Variants in LARGE1 observed in about 807,000 individuals in gnomAD.
LARGE1 encodes xylosyl- and glucuronyltransferase LARGE1.
A neutral mutation model predicts 87.6 loss-of-function variants in LARGE1; 43 were observed. The ratio of observed to expected loss-of-function variants is 0.49; its 90% confidence interval spans 0.38 to 0.63. The LOEUF is 0.63. Ranked by LOEUF, LARGE1 falls within the 30% of genes least tolerant of loss-of-function variation. The pLI, the probability that LARGE1 is intolerant of heterozygous loss-of-function variation, is 0.00. For missense variants in LARGE1, 802 were observed against 1,000.2 expected (o/e 0.80, Z 2.67); for synonymous variants, 434 against 394.6 (o/e 1.10, Z -1.18).
intron 1 of LARGE1, among the ~76,000 whole-genome samples, chr22:33,889,754 A>C (rs1024435530): frequency 6.6e-6 from 1 of 152,236 alleles, no homozygotes; most frequent in African/African-American, 2.4e-5. Flanking sequence ...AGTGGTCTGG[A>C]GTGACCAGAA....
chr22:33,276,471 A>G (rs1195700706), intron 14 of LARGE1, among the ~76,000 whole-genome samples: 1 of 152,252 alleles, frequency 6.6e-6, no homozygotes, highest in African/African-American at 2.4e-5. Flanking sequence ...AACACTTACT[A>G]TCTGGTCCTT....
chr22:33,807,837 A>G (rs1401139040), intron 1 of LARGE1, among the ~76,000 whole-genome samples: 18 of 152,086 alleles, frequency 1.2e-4, no homozygotes, highest in Admixed American at 6.6e-4. Context: ...TTGATGGCTC[A>G]TTTCTTTTCG....
At chr22:33,904,436 G>C (rs1367248927) in intron 1 of LARGE1, among the ~76,000 whole-genome samples, 2 of 152,172 alleles carry the variant, frequency 1.3e-5, no homozygotes, top group African/African-American at 4.8e-5. Flanking sequence ...TTACAGGTAT[G>C]AGCCACCGCG....
At chr22:33,634,003 G>T (rs1387520079) in intron 3 of LARGE1, among the ~76,000 whole-genome samples, 1 of 152,172 alleles carries the variant, frequency 6.6e-6, no homozygotes, top group Non-Finnish European at 1.5e-5. Context: ...AGCTTCACTC[G>T]CCTCATCCGT....
chr22:33,435,385 T>G (rs889730488), intron 6 of LARGE1, among the ~76,000 whole-genome samples: 3 of 152,184 alleles, frequency 2.0e-5, no homozygotes, highest in Non-Finnish European at 4.4e-5. Flanking sequence ...ACCTCATTTA[T>G]AAATAACCAC....
chr22:33,288,015 G>GC (rs1016521983), intron 12 of LARGE1, among the ~76,000 whole-genome samples: 1 of 152,124 alleles, frequency 6.6e-6, no homozygotes, highest in Non-Finnish European at 1.5e-5. Flanking sequence ...TAAGCACAGT[G>GC]CTTGTGGAAG....
chr22:33,208,708 G>A (rs1321603034), intron 11 of LARGE1, among the ~76,000 whole-genome samples: 1 of 152,044 alleles, frequency 6.6e-6, no homozygotes, highest in African/African-American at 2.4e-5. Flanking sequence ...TTCTCCTAAC[G>A]CTATCCCTGC....
chr22:33,367,889 C>A (rs1441664687), intron 9 of LARGE1, among the ~76,000 whole-genome samples: 2 of 151,964 alleles, frequency 1.3e-5, no homozygotes, highest in Non-Finnish European at 2.9e-5. Flanking sequence ...TTCATTTAGG[C>A]TCTAAGTAGT....
At chr22:33,549,588 G>C (rs1403812278) in intron 6 of LARGE1, among the ~76,000 whole-genome samples, 1 of 152,218 alleles carries the variant, frequency 6.6e-6, no homozygotes, top group Non-Finnish European at 1.5e-5. Context: ...ACTACTAGAT[G>C]TTCAACTATC....
intron 12 of LARGE1, among the ~76,000 whole-genome samples, chr22:33,299,411 G>A (rs1201727952): frequency 6.6e-6 from 1 of 152,164 alleles, no homozygotes; most frequent in Non-Finnish European, 1.5e-5. Flanking sequence ...CACCTACAAT[G>A]TAGCATACTG....
chr22:33,359,727 C>A (rs555166312), intron 9 of LARGE1, among the ~76,000 whole-genome samples: 1 of 149,022 alleles, frequency 6.7e-6, no homozygotes, highest in South Asian at 2.3e-4. Flanking sequence ...CCACGCCCGG[C>A]TAATTTTTTT....
intron 6 of LARGE1, among the ~76,000 whole-genome samples, chr22:33,461,963 A>G (rs1465532589): frequency 2.6e-5 from 4 of 152,192 alleles, no homozygotes; most frequent in Non-Finnish European, 5.9e-5. Flanking sequence ...GAGATCCCAG[A>G]AGACATTTGC....
the LARGE1 span, among the ~76,000 whole-genome samples, chr22:33,101,635 A>C: frequency 6.6e-6 from 1 of 152,210 alleles, no homozygotes; most frequent in Non-Finnish European, 1.5e-5. Flanking sequence ...TAATAAATGA[A>C]GCAGATGTCT....
At chr22:33,199,171 G>C (rs900203379) in intron 11 of LARGE1, among the ~76,000 whole-genome samples, 2 of 149,320 alleles carry the variant, frequency 1.3e-5, no homozygotes, top group African/African-American at 2.5e-5. Context: ...ATCTCTTTGT[G>C]TCCTTTGCTT....
chr22:33,632,339 G>T (rs1359995631), intron 3 of LARGE1, among the ~76,000 whole-genome samples: 3 of 152,166 alleles, frequency 2.0e-5, no homozygotes, highest in Non-Finnish European at 2.9e-5. Flanking sequence ...GCCCAAGCTG[G>T]TCTTGAACTC....
At chr22:33,608,947 C>T (rs1320836457) in intron 4 of LARGE1, among the ~76,000 whole-genome samples, 1 of 152,126 alleles carries the variant, frequency 6.6e-6, no homozygotes, top group African/African-American at 2.4e-5. Flanking sequence ...AAAGTACTAC[C>T]TGATATATGG....
At chr22:33,565,845 G>GC (rs2078009799) in intron 5 of LARGE1, among the ~76,000 whole-genome samples, 1 of 152,196 alleles carries the variant, frequency 6.6e-6, no homozygotes, top group Admixed American at 6.5e-5. Context: ...ACACACGGGT[G>GC]CCATTTTGTG....
At chr22:33,847,423 T>C (rs1349458316) in intron 1 of LARGE1, among the ~76,000 whole-genome samples, 3 of 152,242 alleles carry the variant, frequency 2.0e-5, no homozygotes, top group African/African-American at 7.2e-5. Flanking sequence ...ACCATTGTTC[T>C]GAAACTTTTC....
intron 5 of LARGE1, among the ~76,000 whole-genome samples, chr22:33,569,048 G>C (rs546224696): frequency 6.6e-6 from 1 of 152,154 alleles, no homozygotes; most frequent in Non-Finnish European, 1.5e-5. Flanking sequence ...GTTAAGATCC[G>C]AGGACTCAGT....
Sources: allele counts gnomAD v4.1 joint callset (sites outside exome capture counted in the v4.1 genomes callset), GRCh38; gene constraint gnomAD v4.1.1; transcripts MANE v1.5; gene names NCBI Gene and HGNC (gene_info 2026-07-23, HGNC 2026-07-21).